Variants in CCDC57 observed in about 807,000 individuals in gnomAD.
CCDC57 encodes the protein coiled-coil domain-containing protein 57.
In CCDC57, 118 loss-of-function variants were observed where a neutral mutation model predicts 118.9. That is an observed-to-expected ratio of 0.99 (90% CI 0.86 to 1.16). CCDC57 has a LOEUF of 1.16. Among genes scored for constraint, CCDC57 ranks in the 50% most tolerant of loss-of-function variants. CCDC57 has a pLI of 0.00. For missense variants in CCDC57, 1,300 were observed against 1,320.7 expected (o/e 0.98, Z 0.24); for synonymous variants, 527 against 532.9 (o/e 0.99, Z 0.15).
intron 19 of CCDC57, chr17:82,108,969 A>G (rs916665032): frequency 1.2e-4 from 19 of 152,268 alleles, no homozygotes; most frequent in African/African-American, 4.3e-4. Flanking sequence ...GAGGAGGCCG[A>G]TGAAGACAGA....
At chr17:82,182,133 A>C (rs2046286159) in intron 9 of CCDC57, among the ~76,000 whole-genome samples, 1 of 152,082 alleles carries the variant, frequency 6.6e-6, no homozygotes, top group South Asian at 2.1e-4. Context: ...AAAAAGAAAA[A>C]AAGTTGAGAA....
chr17:82,116,638 G>A (rs1314056604), intron 19 of CCDC57, among the ~76,000 whole-genome samples: 1 of 152,188 alleles, frequency 6.6e-6, no homozygotes, highest in Non-Finnish European at 1.5e-5. Flanking sequence ...CTCAGCTATG[G>A]GATCTGTGGC....
intron 2 of CCDC57, chr17:82,207,460 C>G (rs2049805846): frequency 6.6e-6 from 1 of 152,162 alleles, no homozygotes; most frequent in African/African-American, 2.4e-5. Context: ...TAAGATCAAT[C>G]AGTGCTTGAG....
chr17:82,166,894 C>A (rs2044055366), intron 13 of CCDC57, among the ~76,000 whole-genome samples: 1 of 151,806 alleles, frequency 6.6e-6, no homozygotes, highest in Non-Finnish European at 1.5e-5. Flanking sequence ...CCAGACTGGA[C>A]AACAGAGCAA....
intron 16 of CCDC57, among the ~76,000 whole-genome samples, chr17:82,141,852 G>A (rs917501188): frequency 1.3e-5 from 2 of 152,258 alleles, no homozygotes; most frequent in South Asian, 2.1e-4. Flanking sequence ...ATGAGCTTCC[G>A]TAGAAACTGC....
chr17:82,209,186 C>G (rs1034019111), intron 1 of CCDC57, among the ~76,000 whole-genome samples: 3 of 152,062 alleles, frequency 2.0e-5, no homozygotes, highest in African/African-American at 7.2e-5. Context: ...GTCAGTGGCA[C>G]TTGCTGGAGA....
Position 82,154,032 on chromosome 17 carries a change from C to G in CCDC57, c.2242-2259G>C, listed in dbSNP as rs562876217. 6.6e-5 allele frequency: 10 copies of G among 152,660 alleles called. 1 individual carries two copies. Among genetic ancestry groups the G allele is most frequent in the Middle Eastern group, 3.4e-3 (1 of 296 alleles). 9.5% of individuals were successfully genotyped at this position (152,660 alleles called of 1,614,324 possible). A position where few individuals can be genotyped will look rare whatever the true frequency, so the allele number is the denominator to read the frequency against. The stretch of plus-strand genomic sequence containing the variant: ...CCAACGCCTCTCGGCAGAGCCAGCA[C>G]CAACACCATGGCCAACACTGCCCCC... On this transcript the variant is annotated intron_variant, in intron 15 of 19. Coordinates refer to ENST00000665763, the Ensembl canonical transcript of CCDC57.
intron 16 of CCDC57, among the ~76,000 whole-genome samples, chr17:82,142,335 C>T (rs999110259): frequency 5.3e-5 from 8 of 150,332 alleles, no homozygotes; most frequent in South Asian, 2.1e-4. Flanking sequence ...TTTCTTGAGA[C>T]GGAGTCTTGC....
At chr17:82,122,563 C>T (rs1294232947) in intron 19 of CCDC57, among the ~76,000 whole-genome samples, 1 of 152,214 alleles carries the variant, frequency 6.6e-6, no homozygotes, top group African/African-American at 2.4e-5. Flanking sequence ...CCTGCAGCCA[C>T]TGCCTGCCCA....
chr17:82,197,336 T>C (rs1016517551), intron 4 of CCDC57, among the ~76,000 whole-genome samples: 4 of 152,254 alleles, frequency 2.6e-5, no homozygotes, highest in Admixed American at 2.6e-4. Context: ...TTGTCACATA[T>C]GCACACAGTG....
chr17:82,170,848 G>A (rs533281049), intron 13 of CCDC57, among the ~76,000 whole-genome samples: 24 of 152,288 alleles, frequency 1.6e-4, no homozygotes, highest in African/African-American at 4.6e-4. Flanking sequence ...GATGTGCTAC[G>A]TGTCCACTAG....
Position 82,104,578 on chromosome 17 carries a change from G to A in CCDC57, c.2900-2712C>T, listed in dbSNP as rs900385930. The stretch of plus-strand genomic sequence containing the variant: ...TTTTGAGACGGAGTCTCACTCTGTC[G>A]CCCAGGCTGGAGTGCAGTGGCGTGA... On this transcript the variant is annotated intron_variant, in intron 19 of 19. Transcript: ENST00000665763. Among the ~76,000 whole-genome samples the A allele has an allele frequency of 2.6e-5, 4 of 152,064 alleles. 1 individual carries two copies. The highest frequency in any genetic ancestry group is 9.7e-5 in the African/African-American group (4 of 41,392).
chr17:82,193,054 GTGTTT>G (rs1555762645), intron 7 of CCDC57, among the ~76,000 whole-genome samples: 1 of 152,044 alleles, frequency 6.6e-6, no homozygotes. Context: ...TAAAAATTTT[GTGTTT>G]TGTTTTGTTT....
intron 16 of CCDC57, among the ~76,000 whole-genome samples, chr17:82,143,832 C>T (rs1319117797): frequency 6.6e-6 from 1 of 151,728 alleles, no homozygotes; most frequent in African/African-American, 2.4e-5. Flanking sequence ...GGCGCAGTGG[C>T]TCACACCTGT....
intron 19 of CCDC57, among the ~76,000 whole-genome samples, chr17:82,103,349 C>T (rs1213671808): frequency 6.6e-6 from 1 of 152,146 alleles, no homozygotes; most frequent in Non-Finnish European, 1.5e-5. Context: ...CTGGACGCTG[C>T]CTGCTCCCTT....
chr17:82,199,722 G>A (rs901717109), intron 3 of CCDC57, among the ~76,000 whole-genome samples: 4 of 152,136 alleles, frequency 2.6e-5, no homozygotes, highest in Admixed American at 6.5e-5. Flanking sequence ...GCGCCCAGAC[G>A]AGGTGCAGGC....
intron 9 of CCDC57, among the ~76,000 whole-genome samples, chr17:82,179,693 C>T (rs1052479724): frequency 2.0e-5 from 3 of 152,008 alleles, no homozygotes; most frequent in Non-Finnish European, 4.4e-5. Flanking sequence ...CGCAGGAACC[C>T]GGGGGCTTCC....
At chr17:82,128,456 C>G in intron 18 of CCDC57, 37 bp downstream of exon 17, 1 of 1,459,590 alleles carries the variant, frequency 6.9e-7, no homozygotes, top group Non-Finnish European at 9.3e-7. Context: ...GGCCACACCC[C>G]ACACAGCTGC....
At chr17:82,185,411 G>C (rs754219924) in intron 8 of CCDC57, among the ~76,000 whole-genome samples, 14 of 151,110 alleles carry the variant, frequency 9.3e-5, no homozygotes, top group Non-Finnish European at 1.8e-4. Context: ...TGAGGTCCCA[G>C]AGCTCGAAAC....
Sources: allele counts gnomAD v4.1 joint callset (sites outside exome capture counted in the v4.1 genomes callset), GRCh38; gene constraint gnomAD v4.1.1; transcripts MANE v1.5; gene names NCBI Gene and HGNC (gene_info 2026-07-23, HGNC 2026-07-21).